ZCWPW2: variants seen among roughly 807,000 people sequenced by gnomAD.
ZCWPW2 encodes zinc finger CW-type and PWWP domain containing 2.
ZCWPW2 carries 45 observed loss-of-function variants against 46.6 expected under a neutral mutation model. That is an observed-to-expected ratio of 0.96 (90% CI 0.76 to 1.24). The LOEUF is 1.24. Ranked by LOEUF, ZCWPW2 falls within the 50% of genes most tolerant of loss-of-function variation. The pLI is 0.00. For missense variants in ZCWPW2, 429 were observed against 403.9 expected (o/e 1.06, Z -0.53); for synonymous variants, 152 against 137.1 (o/e 1.11, Z -0.76).
intron 4 of ZCWPW2, among the ~76,000 whole-genome samples, chr3:28,447,521 GC>G: frequency 6.6e-6 from 1 of 150,826 alleles, no homozygotes; most frequent in African/African-American, 2.4e-5. Flanking sequence ...CATAATAAAA[GC>G]CATATATGAA....
chr3:28,413,054 A>G lies in ZCWPW2; in HGVS notation c.-13-2A>G. 3 of 1,586,798 alleles carry G rather than the reference A, an allele frequency of 1.9e-6. No individual in the cohort carries two copies. The highest frequency in any genetic ancestry group is 2.2e-5 in the East Asian group (1 of 44,532). On this transcript the variant is annotated splice_acceptor_variant, in intron 2 of 9. Transcript: ENST00000383768. LOFTEE classifies it low-confidence loss of function (5UTR_SPLICE). Reference sequence around the variant, plus strand: ...GTTATTTTCCTCTTTCTTATTTTCCAGATTAAATGCCTTAATGGATAAAGA... The same window carrying G: ...GTTATTTTCCTCTTTCTTATTTTCCGGATTAAATGCCTTAATGGATAAAGA...
rs139755079 is a variant in ZCWPW2, at chr3:28,369,958, G to T, written c.-133-20540G>T. 2.8e-3 allele frequency among the ~76,000 whole-genome samples: 422 copies of T among 152,336 alleles called. 1 individual carries two copies. The highest frequency in any genetic ancestry group is 8.9e-3 in the African/African-American group (372 of 41,582). ...CGTGGGTGTAGGACCCTCCGAGCCA[G>T]GCACAGGATATAATCTCCTGGTGTG... On this transcript the variant is annotated intron_variant, in intron 1 of 9. Transcript: ENST00000383768.
Position 28,374,109 on chromosome 3 carries a change from G to C in ZCWPW2, c.-133-16389G>C, listed in dbSNP as rs148706195. Among the ~76,000 whole-genome samples, 241 of 152,210 alleles carry C rather than the reference G, an allele frequency of 1.6e-3. 1 individual carries two copies. Among genetic ancestry groups the C allele is most frequent in the Non-Finnish European group, 2.8e-3 (188 of 67,994 alleles). ...ATTTCCCTAATGTTTTCTTATAGTA[G>C]TTTCATGGTTTCACATCCTAGATTT... On this transcript the variant is annotated intron_variant, in intron 1 of 9. Coordinates refer to ENST00000383768, the MANE Select transcript of ZCWPW2 (RefSeq NM_001040432.4).
chr3:28,396,940 CCAACATGGCA>C (rs1445412710), intron 2 of ZCWPW2, among the ~76,000 whole-genome samples: 2 of 152,068 alleles, frequency 1.3e-5, no homozygotes, highest in African/African-American at 4.8e-5. Flanking sequence ...ACCAGCCTGG[CCAACATGGCA>C]AAACTCCGTC....
chr3:28,427,295 G>A (rs1277200675), intron 3 of ZCWPW2, among the ~76,000 whole-genome samples: 1 of 152,136 alleles, frequency 6.6e-6, no homozygotes, highest in African/African-American at 2.4e-5. Context: ...GTCAGTGTAA[G>A]GGCAAAAAGT....
intron 4 of ZCWPW2, among the ~76,000 whole-genome samples, chr3:28,445,961 C>T (rs1313566858): frequency 6.6e-6 from 1 of 151,972 alleles, no homozygotes; most frequent in Non-Finnish European, 1.5e-5. Context: ...ATAAGATGTT[C>T]AATATAGCAA....
At chr3:28,366,326 CTAAT>C (rs1433802776) in intron 1 of ZCWPW2, among the ~76,000 whole-genome samples, 1 of 109,818 alleles carries the variant, frequency 9.1e-6, no homozygotes, top group Admixed American at 1.0e-4. Flanking sequence ...CTATGAATAC[CTAAT>C]TTATTGAGAG....
chr3:28,362,198 G>A (rs1270645529), intron 1 of ZCWPW2, among the ~76,000 whole-genome samples: 2 of 151,990 alleles, frequency 1.3e-5, no homozygotes, highest in African/African-American at 4.8e-5. Context: ...CCTTAAAAAA[G>A]TTTAGTTATA....
chr3:28,424,763 A>G (rs1043222474), intron 3 of ZCWPW2, among the ~76,000 whole-genome samples: 5 of 152,176 alleles, frequency 3.3e-5, no homozygotes, highest in Non-Finnish European at 7.3e-5. Flanking sequence ...TTTGTTACTG[A>G]GGGCTTTTCT....
At chr3:28,500,192 A>C (rs1457501684) in intron 6 of ZCWPW2, among the ~76,000 whole-genome samples, 1 of 152,062 alleles carries the variant, frequency 6.6e-6, no homozygotes, top group Non-Finnish European at 1.5e-5. Context: ...TGTCATTGAC[A>C]GGTATTAGTA....
At chr3:28,456,389 G>A (rs1160812206) in intron 4 of ZCWPW2, among the ~76,000 whole-genome samples, 7 of 152,146 alleles carry the variant, frequency 4.6e-5, no homozygotes, top group Non-Finnish European at 8.8e-5. Flanking sequence ...TGAGATGATG[G>A]GGTTTTCTAG....
rs747759526 is a variant in ZCWPW2, at chr3:28,524,721, A to T, written c.*33A>T. ...TACATTTTTCAAATTAATTATAAAA[A>T]TATTGGCATCTTTATATTTATCCAA... On this transcript the variant is annotated 3_prime_UTR_variant, in exon 10 of 10. Coordinates refer to ENST00000383768, the MANE Select transcript of ZCWPW2 (RefSeq NM_001040432.4). 1 of 1,415,012 alleles carries T rather than the reference A, an allele frequency of 7.1e-7. No homozygotes were observed. The highest frequency in any genetic ancestry group is 2.6e-5 in the East Asian group (1 of 38,014). 87.7% of individuals were successfully genotyped at this position (1,415,012 alleles called of 1,614,324 possible).
At chr3:28,489,595 A>G (rs147551061) in intron 5 of ZCWPW2, among the ~76,000 whole-genome samples, 182 of 152,088 alleles carry the variant, frequency 1.2e-3, no homozygotes, top group Non-Finnish European at 2.1e-3. Flanking sequence ...TATAATCACT[A>G]AAGTGTTTTT....
intron 8 of ZCWPW2, among the ~76,000 whole-genome samples, chr3:28,517,591 C>T (rs996234562): frequency 6.6e-5 from 10 of 152,306 alleles, no homozygotes; most frequent in African/African-American, 1.7e-4. Flanking sequence ...TACCTCCTAC[C>T]AGGCCCCACT....
intron 2 of ZCWPW2, among the ~76,000 whole-genome samples, chr3:28,396,415 A>G (rs1695699622): frequency 6.6e-6 from 1 of 152,212 alleles, no homozygotes; most frequent in Non-Finnish European, 1.5e-5. Context: ...TCCTGTTAAT[A>G]CTTTAAAAAT....
At chr3:28,479,279 TA>T in intron 5 of ZCWPW2, among the ~76,000 whole-genome samples, 1 of 152,292 alleles carries the variant, frequency 6.6e-6, no homozygotes, top group South Asian at 2.1e-4. Flanking sequence ...TTCCTGGCAT[TA>T]AAATTTCACT....
At chr3:28,438,827 G>A (rs1441879158) in intron 4 of ZCWPW2, among the ~76,000 whole-genome samples, 1 of 151,716 alleles carries the variant, frequency 6.6e-6, no homozygotes, top group Non-Finnish European at 1.5e-5. Context: ...ATATGAATAA[G>A]GAATTAGAAA....
intron 1 of ZCWPW2, among the ~76,000 whole-genome samples, chr3:28,361,698 GA>G (rs1704952259): frequency 6.6e-6 from 1 of 151,968 alleles, no homozygotes; most frequent in South Asian, 2.1e-4. Context: ...AAAAAAACCT[GA>G]TTAAAAATGG....
chr3:28,477,842 T>C (rs1382433112), intron 4 of ZCWPW2, among the ~76,000 whole-genome samples: 1 of 152,158 alleles, frequency 6.6e-6, no homozygotes, highest in Non-Finnish European at 1.5e-5. Context: ...AATGATGGCA[T>C]GCATTTTATA....
Sources: allele counts gnomAD v4.1 joint callset (sites outside exome capture counted in the v4.1 genomes callset), GRCh38; gene constraint gnomAD v4.1.1; transcripts MANE v1.5; gene names NCBI Gene and HGNC (gene_info 2026-07-23, HGNC 2026-07-21).